KPNA3: variants seen among roughly 807,000 people sequenced by gnomAD.
KPNA3 encodes the protein karyopherin subunit alpha 3.
Under a neutral mutation model 73.8 loss-of-function variants are expected in KPNA3, and 13 were observed. The ratio of observed to expected loss-of-function variants is 0.18; its 90% CI spans 0.11 to 0.28. The LOEUF (loss-of-function observed/expected upper bound fraction) is 0.28. KPNA3 is among the 10% of genes least tolerant of loss of function. The pLI is 1.00. For synonymous variants in KPNA3, 186 were observed against 206.9 expected, an observed-to-expected ratio of 0.90 and a Z score of 0.87; for missense variants, 360 against 618.1, an observed-to-expected ratio of 0.58 and a Z score of 4.43.
At chr13:49,723,426 C>T (rs779285717) in intron 7 of KPNA3, among the ~76,000 whole-genome samples, 3 of 151,744 alleles carry the variant, frequency 2.0e-5, no homozygotes, top group South Asian at 4.2e-4. Flanking sequence ...AAAAATTAGC[C>T]GGGCGTGGTG....
intron 15 of KPNA3, among the ~76,000 whole-genome samples, chr13:49,704,449 ATAAAT>A (rs1566330855): frequency 3.2e-5 from 2 of 62,102 alleles, no homozygotes; most frequent in African/African-American, 6.5e-5. Flanking sequence ...AAATAAATAA[ATAAAT>A]AAATAAATAA....
intron 15 of KPNA3, among the ~76,000 whole-genome samples, chr13:49,704,425 AATAAATAAAAAATAAATAAAT>A (rs1954182705): frequency 1.0e-5 from 1 of 99,844 alleles, no homozygotes; most frequent in Admixed American, 1.1e-4. Context: ...AAAAAAAATA[AATAAATAAAAAATAAATAAAT>A]AAATAAATAA....
chr13:49,753,799 A>C (rs1954687068), intron 1 of KPNA3, among the ~76,000 whole-genome samples: 1 of 152,184 alleles, frequency 6.6e-6, no homozygotes, highest in Non-Finnish European at 1.5e-5. Flanking sequence ...CTAATGCCTG[A>C]TGATCTGTGG....
At chr13:49,745,820 T>C (rs1954611668) in intron 2 of KPNA3, among the ~76,000 whole-genome samples, 1 of 150,698 alleles carries the variant, frequency 6.6e-6, no homozygotes, top group East Asian at 2.0e-4. Flanking sequence ...TCCCAGCACT[T>C]TGGGAGGCTG....
In KPNA3 at chr13:49,709,390, C is replaced by A. The variant is rs556902300; in HGVS notation, c.1032+182G>T. Among the ~76,000 whole-genome samples, 10 of 134,382 alleles carry A rather than the reference C, an allele frequency of 7.4e-5. No homozygotes were observed. In the East Asian group the frequency reaches 1.9e-3, roughly 25 times the overall value. The allele number at this position is 134,382 out of a possible 152,430, so 88.2% of individuals were successfully genotyped here. A position where few individuals can be genotyped will look rare whatever the true frequency, so the allele number is the denominator to read the frequency against. On this transcript the variant is annotated intron_variant, in intron 12 of 16. Transcript: ENST00000261667. The stretch of plus-strand genomic sequence containing the variant: ...CACTCCAGCCTAGGCAACAGACAGA[C>A]TCTGTCTCAAAAAAAAAAAAAAAAA...
At chr13:49,750,780 T>C (rs1462659043) in intron 1 of KPNA3, among the ~76,000 whole-genome samples, 2 of 152,132 alleles carry the variant, frequency 1.3e-5, no homozygotes, top group Non-Finnish European at 2.9e-5. Flanking sequence ...TCACCTGAGG[T>C]CAGGAGTTCA....
intron 1 of KPNA3, among the ~76,000 whole-genome samples, chr13:49,788,713 C>A (rs920959952): frequency 1.5e-4 from 18 of 118,032 alleles, no homozygotes; most frequent in African/African-American, 6.0e-4. Context: ...CAGAGCCAGA[C>A]CCTCTTTTTT....
rs1191379544 is a variant in KPNA3, at chr13:49,701,513, A to G, written c.*287T>C. 1.9e-6 allele frequency: 1 copy of G among 520,518 alleles called. No individual in the cohort carries two copies. The allele number at this position is 520,518 out of a possible 1,614,324, so 32.2% of individuals were successfully genotyped here. A position where few individuals can be genotyped will look rare whatever the true frequency, so the allele number is the denominator to read the frequency against. ...ATGGAATATTTATTCTAAACTGGAGACTGCAGTTGTCAGCCTGTGGCACCA... is the reference window on the plus strand; with the variant it reads ...ATGGAATATTTATTCTAAACTGGAGGCTGCAGTTGTCAGCCTGTGGCACCA... On this transcript the variant is annotated 3_prime_UTR_variant, in exon 17 of 17. Coordinates refer to ENST00000261667, the MANE Select transcript of KPNA3 (RefSeq NM_002267.4).
At chr13:49,762,442 AAGAT>A (rs1246969420) in intron 1 of KPNA3, among the ~76,000 whole-genome samples, 1 of 152,218 alleles carries the variant, frequency 6.6e-6, no homozygotes, top group Non-Finnish European at 1.5e-5. Context: ...ATGTGGGGAA[AAGAT>A]AGAGAAATCA....
At chr13:49,722,390 C>T (rs1954367908) in intron 8 of KPNA3, 87 bp downstream of exon 8, 1 of 860,906 alleles carries the variant, frequency 1.2e-6, no homozygotes, top group Non-Finnish European at 1.9e-6. Flanking sequence ...ACATTAAATT[C>T]AGAGGAAACA....
chr13:49,768,596 T>A (rs1364122157), intron 1 of KPNA3, among the ~76,000 whole-genome samples: 2 of 105,564 alleles, frequency 1.9e-5, no homozygotes, highest in South Asian at 3.5e-4. Context: ...TTTTTTTTTT[T>A]AGCATTCCAT....
At chr13:49,723,475 C>CAG (rs1370846428) in intron 7 of KPNA3, among the ~76,000 whole-genome samples, 1 of 151,872 alleles carries the variant, frequency 6.6e-6, no homozygotes, top group African/African-American at 2.4e-5. Flanking sequence ...GAGGCTGAGG[C>CAG]AGAGAACTGC....
intron 1 of KPNA3, among the ~76,000 whole-genome samples, chr13:49,747,644 C>T (rs143555637): frequency 0.014 from 2,173 of 152,288 alleles, 28 homozygotes; most frequent in South Asian, 0.028. Flanking sequence ...TGAGATCATG[C>T]CACTGCACTT....
At chr13:49,764,432 A>T (rs1036222243) in intron 1 of KPNA3, among the ~76,000 whole-genome samples, 1 of 152,192 alleles carries the variant, frequency 6.6e-6, no homozygotes, top group South Asian at 2.1e-4. Context: ...TTGCACAAAA[A>T]GCTACTGCTC....
chr13:49,721,596 G>A lies in KPNA3; in HGVS notation c.726+359C>T, dbSNP rs113536934. ...GCACTTTGGGAGGCCGAGGCGGGCA[G>A]ATCACGAGGTCAGGAGGTCGAGACC... On this transcript the variant is annotated intron_variant, in intron 9 of 16. Coordinates refer to ENST00000261667, the MANE Select transcript of KPNA3 (RefSeq NM_002267.4). Among the ~76,000 whole-genome samples the A allele has an allele frequency of 1.0e-2, 1,517 of 152,246 alleles. 28 individuals carry two copies. Among genetic ancestry groups the A allele is most frequent in the African/African-American group, 0.035 (1,447 of 41,546 alleles).
At chr13:49,769,973 C>T (rs748910429) in intron 1 of KPNA3, among the ~76,000 whole-genome samples, 2 of 152,122 alleles carry the variant, frequency 1.3e-5, no homozygotes, top group Non-Finnish European at 2.9e-5. Context: ...ATTTGCACTT[C>T]CCTAATGACT....
At chr13:49,730,501 C>A (rs1286927368) in intron 6 of KPNA3, among the ~76,000 whole-genome samples, 1 of 84,848 alleles carries the variant, frequency 1.2e-5, no homozygotes, top group Non-Finnish European at 2.2e-5. Flanking sequence ...CCCTGGGCAA[C>A]AGAGCGAGAC....
At chr13:49,762,180 G>T (rs1184825754) in intron 1 of KPNA3, among the ~76,000 whole-genome samples, 17 of 148,880 alleles carry the variant, frequency 1.1e-4, no homozygotes, top group African/African-American at 1.7e-4. Flanking sequence ...CCGGCCAGCC[G>T]CCTCGTCCGG....
intron 1 of KPNA3, among the ~76,000 whole-genome samples, chr13:49,763,957 T>C (rs1954788872): frequency 1.3e-5 from 2 of 151,784 alleles, no homozygotes. Flanking sequence ...GTCTCAGCTA[T>C]TCGGGAGACT....
Sources: gnomAD v4.1 joint callset for allele counts (sites outside exome capture counted in the v4.1 genomes callset) on GRCh38, gnomAD v4.1.1 for gene constraint, MANE v1.5 for transcripts, NCBI Gene and HGNC (gene_info 2026-07-23, HGNC 2026-07-21) for gene names.